Variants in SNRPA observed in about 807,000 individuals in gnomAD.
The protein encoded by SNRPA is small nuclear ribonucleoprotein polypeptide A, also known as U1 small nuclear ribonucleoprotein A.
SNRPA carries 10 observed loss-of-function variants against 24.5 expected under a neutral mutation model. The ratio of observed to expected loss-of-function variants is 0.41; its 90% CI spans 0.25 to 0.69. The LOEUF (loss-of-function observed/expected upper bound fraction) is 0.69. SNRPA is among the 30% of genes least tolerant of loss of function. The pLI, the probability that SNRPA is intolerant of heterozygous loss-of-function variation, is 0.33. For missense variants in SNRPA, 283 were observed against 394.7 expected (o/e 0.72, Z 2.40); for synonymous variants, 165 against 148.4 (o/e 1.11, Z -0.81).
At chr19:40,754,925 AC>A (rs1425971398) in intron 1 of SNRPA, among the ~76,000 whole-genome samples, 3 of 152,116 alleles carry the variant, frequency 2.0e-5, no homozygotes, top group Non-Finnish European at 4.4e-5. Context: ...GGGATGGAGT[AC>A]GGAGAGGAAA....
chr19:40,763,093 C>G lies in SNRPA; in HGVS notation c.600+19C>G. The G allele has an allele frequency of 1.3e-6, 2 of 1,530,880 alleles. No homozygotes were observed. Among genetic ancestry groups the G allele is most frequent in the African/African-American group, 2.8e-5 (2 of 72,274 alleles). 94.8% of individuals were successfully genotyped at this position (1,530,880 alleles called of 1,614,324 possible). A position where few individuals can be genotyped will look rare whatever the true frequency, so the allele number is the denominator to read the frequency against. On this transcript the variant is annotated intron_variant, in intron 4 of 5. Transcript: ENST00000243563. ...CCAGCCTGTGAGTATCTAGTCCCAC[C>G]CACCAGGTCTCATATAAATAGTGAG...
At chr19:40,757,252 C>G (rs1375579167) in intron 1 of SNRPA, 80 bp from the exon 2 acceptor site, 5 of 1,392,906 alleles carry the variant, frequency 3.6e-6, no homozygotes, top group Non-Finnish European at 5.0e-6. Context: ...GGTACCCCAT[C>G]AATTGGCTGA....
intron 1 of SNRPA, among the ~76,000 whole-genome samples, chr19:40,756,656 C>G (rs959410615): frequency 3.3e-5 from 5 of 149,966 alleles, no homozygotes; most frequent in Non-Finnish European, 5.9e-5. Context: ...CTGCAGTAAA[C>G]AAATGGGACA....
intron 1 of SNRPA, among the ~76,000 whole-genome samples, chr19:40,753,153 A>G (rs2082890774): frequency 1.3e-5 from 2 of 152,004 alleles, no homozygotes; most frequent in African/African-American, 4.8e-5. Context: ...TCAGGAGTTC[A>G]AGACCAGTCT....
intron 2 of SNRPA, 150 bp from the exon 3 acceptor site, chr19:40,759,281 C>T: frequency 1.6e-6 from 1 of 627,096 alleles, no homozygotes; most frequent in Non-Finnish European, 2.7e-6. Flanking sequence ...ACCTCCTGGC[C>T]TCAAGTGATC....
chr19:40,753,644 A>C (rs1217653202), intron 1 of SNRPA, among the ~76,000 whole-genome samples: 1 of 151,428 alleles, frequency 6.6e-6, no homozygotes, highest in African/African-American at 2.4e-5. Flanking sequence ...TGATCCGCCC[A>C]CCTCGGCCTC....
chr19:40,756,510 C>T (rs996604297), intron 1 of SNRPA, among the ~76,000 whole-genome samples: 4 of 151,064 alleles, frequency 2.6e-5, no homozygotes, highest in South Asian at 2.1e-4. Flanking sequence ...GTGGGAGGAC[C>T]GCTTGAGTCC....
chr19:40,753,220 C>G (rs971975412), intron 1 of SNRPA, among the ~76,000 whole-genome samples: 8 of 151,252 alleles, frequency 5.3e-5, no homozygotes, highest in Non-Finnish European at 1.2e-4. Flanking sequence ...CTGGATGTGG[C>G]GGTGCGCACC....
At chr19:40,755,623 A>G (rs760383385) in intron 1 of SNRPA, among the ~76,000 whole-genome samples, 8 of 151,752 alleles carry the variant, frequency 5.3e-5, no homozygotes, top group Non-Finnish European at 1.2e-4. Flanking sequence ...GGATCTGCCC[A>G]CCTCGGCCTC....
In SNRPA at chr19:40,754,036, C is replaced by T. The variant is rs571381617; in HGVS notation, c.73+2555C>T. On this transcript the variant is annotated intron_variant, in intron 1 of 5. Coordinates refer to ENST00000243563, the MANE Select transcript of SNRPA (RefSeq NM_004596.5). ...CAGGATGGTGTTGATTTCCTGACCT[C>T]GTGATCTGCCCACCTTGGCCTCCAA... 5.8e-4 allele frequency among the ~76,000 whole-genome samples: 86 copies of T among 148,518 alleles called. 1 individual carries two copies. The highest frequency in any genetic ancestry group is 2.1e-3 in the African/African-American group (85 of 40,360).
intron 5 of SNRPA, 102 bp downstream of exon 5, chr19:40,763,777 G>A: frequency 1.0e-6 from 1 of 986,044 alleles, no homozygotes; most frequent in East Asian, 2.4e-5. Flanking sequence ...TCTGAGCCAA[G>A]TAGGGCTTTG....
At chr19:40,763,480 AC>A (rs2082941722) in intron 4 of SNRPA, 106 bp from the exon 5 acceptor site, 1 of 872,382 alleles carries the variant, frequency 1.1e-6, no homozygotes, top group Admixed American at 1.7e-5. Context: ...GGGTGGAAGT[AC>A]CAGAGTGAAT....
rs1233133666 is a variant in SNRPA, at chr19:40,759,791, A to G, written c.426+181A>G. The stretch of plus-strand genomic sequence containing the variant: ...GGGTATTGAGCACCTAGATGATGCT[A>G]TCTCCTTTCGAAACTCTTGTTCCCT... On this transcript the variant is annotated intron_variant, in intron 3 of 5. Transcript: ENST00000243563. Among the ~76,000 whole-genome samples the G allele has an allele frequency of 3.3e-5, 5 of 152,024 alleles. No homozygotes were observed. The East Asian group carries it at 7.7e-4, about 23-fold the overall frequency.
chr19:40,753,630 T>C (rs2082895384), intron 1 of SNRPA, among the ~76,000 whole-genome samples: 1 of 151,264 alleles, frequency 6.6e-6, no homozygotes. Context: ...CTCCTGACCT[T>C]AGGTGATCCG....
chr19:40,765,280 T>C lies in SNRPA; in HGVS notation c.*113T>C. ...TTGGGGGCCTTCTTGGAGCCGTGTG[T>C]GAGTGAGTGGTCGCCACACAGCATT... is the stretch of plus-strand genomic sequence containing the variant. On this transcript the variant is annotated 3_prime_UTR_variant, in exon 6 of 6. Coordinates refer to ENST00000243563, the MANE Select transcript of SNRPA (RefSeq NM_004596.5). 8.3e-6 allele frequency: 5 copies of C among 600,486 alleles called. 1 individual carries two copies. The South Asian group carries it at 1.6e-4, about 19-fold the overall frequency. The allele number at this position is 600,486 out of a possible 1,614,324, so 37.2% of individuals were successfully genotyped here.
At chr19:40,754,344 C>G (rs1260649534) in intron 1 of SNRPA, among the ~76,000 whole-genome samples, 4 of 152,098 alleles carry the variant, frequency 2.6e-5, no homozygotes, top group Non-Finnish European at 5.9e-5. Context: ...CTGTGATCCA[C>G]CCGCCTCGGC....
intron 3 of SNRPA, among the ~76,000 whole-genome samples, chr19:40,762,247 TACTC>T (rs1056105225): frequency 6.6e-6 from 1 of 151,550 alleles, no homozygotes; most frequent in Non-Finnish European, 1.5e-5. Flanking sequence ...GACAGAGACT[TACTC>T]TGTTGCCCAG....
intron 1 of SNRPA, among the ~76,000 whole-genome samples, chr19:40,752,600 AAAAG>A (rs1321508133): frequency 3.3e-5 from 5 of 150,438 alleles, no homozygotes; most frequent in Non-Finnish European, 7.4e-5. Context: ...AAAAAAAAAA[AAAAG>A]GCTGGGCGTG....
chr19:40,755,267 T>TTTTTTTTTTTTTTTG (rs2082903938), intron 1 of SNRPA, among the ~76,000 whole-genome samples: 1 of 147,028 alleles, frequency 6.8e-6, no homozygotes, highest in Non-Finnish European at 1.5e-5. Flanking sequence ...CTTTTTTTTT[T>TTTTTTTTTTTTTTTG]TTTTTTTTTT....
Sources: allele counts gnomAD v4.1 joint callset (sites outside exome capture counted in the v4.1 genomes callset), GRCh38; gene constraint gnomAD v4.1.1; transcripts MANE v1.5; gene names NCBI Gene and HGNC (gene_info 2026-07-23, HGNC 2026-07-21).